The following OSBPL10 variants were observed in gnomAD, a reference collection of about 807,000 sequenced individuals.
The protein encoded by OSBPL10 is oxysterol binding protein like 10, also known as oxysterol-binding protein-related protein 10.
A neutral mutation model predicts 81.7 loss-of-function variants in OSBPL10; 49 were observed. That is an observed-to-expected ratio of 0.60 (90% confidence interval 0.48 to 0.76). The LOEUF is 0.76. Among genes scored for constraint, OSBPL10 ranks in the 30% least tolerant of loss-of-function variants. The probability of loss-of-function intolerance (pLI) is 0.00; values close to 1 mark genes in which losing one functional copy is unlikely to be tolerated. For synonymous variants in OSBPL10, 419 were observed against 383.6 expected (o/e 1.09, Z -1.08); for missense variants, 923 against 987.8 (o/e 0.93, Z 0.88).
chr3:31,704,691 A>G (rs879408240), intron 6 of OSBPL10: 5 of 152,090 alleles, frequency 3.3e-5, no homozygotes, highest in African/African-American at 9.7e-5. Flanking sequence ...AGAATGATTC[A>G]TTCTTCTAAA....
chr3:31,839,118 A>G (rs1700433409), intron 3 of OSBPL10, among the ~76,000 whole-genome samples: 1 of 152,100 alleles, frequency 6.6e-6, no homozygotes, highest in Non-Finnish European at 1.5e-5. Flanking sequence ...AATCCCCCCA[A>G]CCTCAATTTT....
chr3:31,910,636 A>G (rs1210130114), intron 1 of OSBPL10, among the ~76,000 whole-genome samples: 2 of 149,448 alleles, frequency 1.3e-5, no homozygotes, highest in African/African-American at 4.9e-5. Context: ...ACTCTAGCTC[A>G]AAAAAAAAAT....
At chr3:31,755,407 T>C (rs1369590512) in intron 4 of OSBPL10, among the ~76,000 whole-genome samples, 1 of 152,232 alleles carries the variant, frequency 6.6e-6, no homozygotes, top group Non-Finnish European at 1.5e-5. Context: ...GTTGTACTAA[T>C]CTTTTTGGTA....
At chr3:32,033,954 T>C (rs1020284985) in intron 2 of OSBPL10, among the ~76,000 whole-genome samples, 4 of 151,892 alleles carry the variant, frequency 2.6e-5, no homozygotes, top group African/African-American at 9.7e-5. Flanking sequence ...AAGGAAGAGG[T>C]TTAATTGACT....
chr3:31,989,366 A>G lies in OSBPL10; in HGVS notation n.298+57125T>C, dbSNP rs957272078. ...ACATTAGAAAGACATGAAAGTCATC[A>G]CATTGGAGATTTTTGCTTCCAGAAA... On this transcript the variant is annotated intron_variant and non_coding_transcript_variant, in intron 2 of 3. Transcript: ENST00000479173. 1.9e-6 allele frequency: 3 copies of G among 1,614,116 alleles called. No homozygotes were observed. In the African/African-American group the frequency reaches 4.0e-5, roughly 22 times the overall value.
Position 31,778,339 on chromosome 3 carries a change from C to T in OSBPL10, c.730-30219G>A, listed in dbSNP as rs151331196. Among the ~76,000 whole-genome samples, 535 of 152,236 alleles carry T rather than the reference C, an allele frequency of 3.5e-3. 4 individuals carry two copies. Among genetic ancestry groups the T allele is most frequent in the African/African-American group, 0.012 (518 of 41,544 alleles). Reference sequence around the variant, plus strand: ...AACTACCCCCATCCTCCACAGTGGCCGTGGCAAGCCCTGCCCAAGGAGAGT... The same window carrying T: ...AACTACCCCCATCCTCCACAGTGGCTGTGGCAAGCCCTGCCCAAGGAGAGT... On this transcript the variant is annotated intron_variant, in intron 4 of 11. Coordinates refer to ENST00000396556, the MANE Select transcript of OSBPL10 (RefSeq NM_017784.5).
intron 4 of OSBPL10, among the ~76,000 whole-genome samples, chr3:31,756,558 G>A (rs764433357): frequency 1.3e-5 from 2 of 152,054 alleles, no homozygotes; most frequent in Non-Finnish European, 2.9e-5. Context: ...CACACACAGA[G>A]GTATATTATT....
chr3:32,050,852 G>A (rs1195209356), intron 1 of OSBPL10, among the ~76,000 whole-genome samples: 1 of 151,942 alleles, frequency 6.6e-6, no homozygotes, highest in South Asian at 2.1e-4. Flanking sequence ...GTAGAGATGG[G>A]GTTTCTCCAT....
intron 3 of OSBPL10, among the ~76,000 whole-genome samples, chr3:31,836,574 C>T (rs916324010): frequency 1.4e-5 from 2 of 143,530 alleles, no homozygotes; most frequent in South Asian, 5.0e-4. Context: ...ATCCTGCTGA[C>T]TCTTCCTTAA....
chr3:31,738,310 T>A (rs141263047), intron 5 of OSBPL10, among the ~76,000 whole-genome samples: 1 of 152,168 alleles, frequency 6.6e-6, no homozygotes, highest in East Asian at 1.9e-4. Flanking sequence ...TTTATGAAGT[T>A]TGGCAACATT....
chr3:31,957,259 CA>C (rs2125455849), intron 1 of OSBPL10, among the ~76,000 whole-genome samples: 1 of 152,106 alleles, frequency 6.6e-6, no homozygotes, highest in Non-Finnish European at 1.5e-5. Context: ...TTGTTCTTTC[CA>C]AAGAAATAAC....
intron 3 of OSBPL10, among the ~76,000 whole-genome samples, chr3:31,835,445 G>A (rs571395555): frequency 2.0e-4 from 30 of 152,244 alleles, no homozygotes; most frequent in African/African-American, 7.0e-4. Flanking sequence ...TTAAAAGGAG[G>A]CAAGGGAGGG....
chr3:31,893,893 T>A (rs186483024), intron 1 of OSBPL10, among the ~76,000 whole-genome samples: 239 of 152,306 alleles, frequency 1.6e-3, no homozygotes, highest in African/African-American at 5.1e-3. Flanking sequence ...TTTATTTTTT[T>A]AAAAAAATGT....
At chr3:31,811,906 CTTATTAA>C (rs1362713007) in intron 4 of OSBPL10, among the ~76,000 whole-genome samples, 1 of 152,138 alleles carries the variant, frequency 6.6e-6, no homozygotes, top group Non-Finnish European at 1.5e-5. Flanking sequence ...CTAGATTATA[CTTATTAA>C]TAATTCAAAG....
intron 3 of OSBPL10, among the ~76,000 whole-genome samples, chr3:31,874,067 G>A (rs1575593944): frequency 6.6e-6 from 1 of 150,928 alleles, no homozygotes; most frequent in African/African-American, 2.4e-5. Context: ...GCTAACCAGA[G>A]AATATATCAG....
chr3:32,058,727 G>A (rs1699731943), intron 1 of OSBPL10, among the ~76,000 whole-genome samples: 1 of 152,158 alleles, frequency 6.6e-6, no homozygotes, highest in Non-Finnish European at 1.5e-5. Flanking sequence ...GAATACAGTG[G>A]TGCCATCATA....
chr3:31,830,129 CG>C lies in OSBPL10; in HGVS notation c.639del (p.Gly214ValfsTer31), dbSNP rs1559483270. On this transcript the variant is annotated frameshift_variant, in exon 4 of 12. Transcript: ENST00000396556. LOFTEE classifies it high-confidence loss of function. ...TTGTGATGCGTGATTGTGACAACAC[CG>C]GGGGCCCCCACACTGAGGTGTCTCT... ...CSQRHLSVGA[P>X]GVVTITHHKS... The C allele has an allele frequency of 1.1e-5, 18 of 1,613,954 alleles. No homozygotes were observed. The highest frequency in any genetic ancestry group is 1.2e-5 in the Non-Finnish European group (14 of 1,179,994).
chr3:31,954,636 A>G (rs1448407700), intron 1 of OSBPL10, among the ~76,000 whole-genome samples: 1 of 152,182 alleles, frequency 6.6e-6, no homozygotes, highest in Admixed American at 6.6e-5. Context: ...AGCAAGAGAC[A>G]CAACAGAAGC....
chr3:31,864,638 A>G (rs1269365425), intron 3 of OSBPL10, among the ~76,000 whole-genome samples: 2 of 152,182 alleles, frequency 1.3e-5, no homozygotes, highest in Non-Finnish European at 2.9e-5. Context: ...GACAAAGGCA[A>G]GGAAGCATGG....
Sources: allele counts gnomAD v4.1 joint callset (sites outside exome capture counted in the v4.1 genomes callset), GRCh38; gene constraint gnomAD v4.1.1; transcripts MANE v1.5; gene names NCBI Gene and HGNC (gene_info 2026-07-23, HGNC 2026-07-21).